The following MS4A4A variants were observed in gnomAD, a reference collection of about 807,000 sequenced individuals.
MS4A4A encodes the protein membrane-spanning 4-domains subfamily A member 4A.
MS4A4A carries 26 observed loss-of-function variants against 28.0 expected under a neutral mutation model. That is an observed-to-expected ratio of 0.93 (90% CI 0.68 to 1.29). The LOEUF (loss-of-function observed/expected upper bound fraction) is 1.29, where lower values mean the gene tolerates loss of function less well. Among genes scored for constraint, MS4A4A ranks in the 50% most tolerant of loss-of-function variants. The pLI is 0.00. For missense variants in MS4A4A, 290 were observed against 293.1 expected (o/e 0.99, Z 0.08); for synonymous variants, 86 against 100.8 (o/e 0.85, Z 0.88).
intron 5 of MS4A4A, among the ~76,000 whole-genome samples, chr11:60,303,955 C>T (rs950445692): frequency 6.6e-6 from 1 of 152,064 alleles, no homozygotes; most frequent in Non-Finnish European, 1.5e-5. Context: ...CAAAATAACC[C>T]CTTGAGGTGT....
At chr11:60,299,419 A>ATTTC (rs2084931883) in intron 3 of MS4A4A, among the ~76,000 whole-genome samples, 1 of 131,130 alleles carries the variant, frequency 7.6e-6, no homozygotes, top group Non-Finnish European at 1.6e-5. Flanking sequence ...ACTGAGACAG[A>ATTTC]TTTCTATCAT....
At chr11:60,281,407 A>G (rs543305485) in intron 1 of MS4A4A, among the ~76,000 whole-genome samples, 16 of 152,324 alleles carry the variant, frequency 1.1e-4, no homozygotes, top group Non-Finnish European at 2.2e-4. Flanking sequence ...AGCCAATAAA[A>G]GGGAAATAAT....
chr11:60,287,934 C>T (rs2084817005), intron 1 of MS4A4A, among the ~76,000 whole-genome samples: 1 of 152,200 alleles, frequency 6.6e-6, no homozygotes, highest in Non-Finnish European at 1.5e-5. Context: ...ATTCTATGTC[C>T]TAAATCCTGG....
Position 60,280,675 on chromosome 11 carries a change from C to T in MS4A4A, c.-1C>T, listed in dbSNP as rs150329134. 1.9e-6 allele frequency: 3 copies of T among 1,613,496 alleles called. No individual in the cohort carries two copies. The African/African-American group carries it at 4.0e-5, about 22-fold the overall frequency. On this transcript the variant is annotated 5_prime_UTR_variant, in exon 1 of 7. Coordinates refer to ENST00000337908, the MANE Select transcript of MS4A4A (RefSeq NM_148975.3). ...TTTGAGGAACTTGCCCAGAGCCCTG[C>T]ATGCATCAGACCTACAGCAGACATT...
At chr11:60,283,819 C>G (rs2084778244) in intron 1 of MS4A4A, among the ~76,000 whole-genome samples, 1 of 152,154 alleles carries the variant, frequency 6.6e-6, no homozygotes, top group Non-Finnish European at 1.5e-5. Flanking sequence ...TGTGTTCTGT[C>G]TAGGAAGTGC....
intron 1 of MS4A4A, among the ~76,000 whole-genome samples, chr11:60,289,339 G>A (rs1267674266): frequency 6.6e-6 from 1 of 152,064 alleles, no homozygotes; most frequent in African/African-American, 2.4e-5. Flanking sequence ...GGTGGTGATG[G>A]GAGCTGCTGG....
chr11:60,307,793 A>G (rs1009801407), intron 6 of MS4A4A, among the ~76,000 whole-genome samples: 6 of 152,184 alleles, frequency 3.9e-5, no homozygotes, highest in South Asian at 2.1e-4. Context: ...CTGGTTTGGA[A>G]GAAGAGCCCC....
chr11:60,285,157 G>A (rs907065485), intron 1 of MS4A4A, among the ~76,000 whole-genome samples: 5 of 152,144 alleles, frequency 3.3e-5, no homozygotes, highest in African/African-American at 9.7e-5. Context: ...GACTGCAAGT[G>A]TCCTTTCTTG....
chr11:60,306,310 T>A, intron 6 of MS4A4A, 109 bp downstream of exon 6: 1 of 919,898 alleles, frequency 1.1e-6, no homozygotes. Flanking sequence ...ATCTCTCAGT[T>A]TCCATGGTTC....
At chr11:60,305,604 T>C (rs1341223319) in intron 5 of MS4A4A, 1 of 153,192 alleles carries the variant, frequency 6.5e-6, no homozygotes, top group Non-Finnish European at 1.5e-5. Context: ...AAAATTCTCT[T>C]ATATCAGCTA....
intron 1 of MS4A4A, 111 bp from the exon 2 acceptor site, chr11:60,292,114 G>A: frequency 7.7e-7 from 1 of 1,294,690 alleles, no homozygotes; most frequent in Admixed American, 2.9e-5. Flanking sequence ...ATTATGATAT[G>A]GGAAGAGAAT....
chr11:60,282,564 A>T, intron 1 of MS4A4A: 1 of 1,279,604 alleles, frequency 7.8e-7, no homozygotes, highest in Non-Finnish European at 1.0e-6. Flanking sequence ...AGATTAGATG[A>T]TGTGGTGGGT....
intron 6 of MS4A4A, 69 bp downstream of exon 6, chr11:60,306,270 C>A: frequency 3.3e-6 from 4 of 1,196,340 alleles, no homozygotes; most frequent in South Asian, 1.2e-5. Context: ...ATTACACACA[C>A]TTAGAGTCTT....
chr11:60,300,666 T>C (rs937747818), intron 3 of MS4A4A, among the ~76,000 whole-genome samples: 7 of 147,576 alleles, frequency 4.7e-5, no homozygotes, highest in Non-Finnish European at 9.0e-5. Context: ...ATAATTTTAG[T>C]GTATTTTTTG....
chr11:60,285,897 C>G (rs1450904676), intron 1 of MS4A4A, among the ~76,000 whole-genome samples: 1 of 152,286 alleles, frequency 6.6e-6, no homozygotes, highest in Non-Finnish European at 1.5e-5. Context: ...GAGCAGAGAA[C>G]CAGTCTGACT....
rs1234915390 is a variant in MS4A4A at position 60,292,265 on chromosome 11, C to T, written c.82C>T (p.Gln28Ter). Residue 28 changes from glutamine (Q) to a stop codon, truncating the protein, a stop_gained, in exon 2 of 7, where the codon CAG (glutamine) becomes TAG (stop). Coordinates refer to ENST00000337908, the MANE Select transcript of MS4A4A (RefSeq NM_148975.3). LOFTEE classifies it high-confidence loss of function. ...AAMTTMQGMEQAMPGAGPGVP... is the reference protein window; with the variant it reads ...AAMTTMQGME ...CATGACAACCATGCAAGGAATGGAA[C>T]AGGCCATGCCAGGGGCTGGCCCTGG... The T allele has an allele frequency of 1.3e-6, 2 of 1,598,876 alleles. No homozygotes were observed. The highest frequency in any genetic ancestry group is 2.3e-5 in the East Asian group (1 of 43,350).
intron 6 of MS4A4A, among the ~76,000 whole-genome samples, chr11:60,307,757 A>G (rs545010767): frequency 1.3e-5 from 2 of 152,300 alleles, no homozygotes; most frequent in Non-Finnish European, 2.9e-5. Context: ...TGATTTGGGT[A>G]TGTTGATGTC....
intron 2 of MS4A4A, among the ~76,000 whole-genome samples, chr11:60,295,029 C>T (rs2084894153): frequency 1.3e-5 from 2 of 151,384 alleles, no homozygotes; most frequent in South Asian, 2.1e-4. Flanking sequence ...TACAAAATAA[C>T]TTGCTGGGAT....
At chr11:60,288,716 C>T (rs542395126) in intron 1 of MS4A4A, among the ~76,000 whole-genome samples, 2 of 152,232 alleles carry the variant, frequency 1.3e-5, no homozygotes, top group South Asian at 4.1e-4. Flanking sequence ...CTGGATGTAG[C>T]AGCAGCAAGG....
Sources: allele counts gnomAD v4.1 joint callset (sites outside exome capture counted in the v4.1 genomes callset), GRCh38; gene constraint gnomAD v4.1.1; transcripts MANE v1.5; gene names NCBI Gene and HGNC (gene_info 2026-07-23, HGNC 2026-07-21).